The following ZFAND1 variants were observed in gnomAD, a reference collection of about 807,000 sequenced individuals.
ZFAND1 encodes the protein zinc finger AN1-type containing 1, also known as AN1-type zinc finger protein 1.
Under a neutral mutation model 38.5 loss-of-function variants are expected in ZFAND1, and 40 were observed. That is an observed-to-expected ratio of 1.04 (90% CI 0.81 to 1.35). ZFAND1 has a LOEUF of 1.35. ZFAND1 is among the 40% of genes most tolerant of loss of function. The pLI is 0.00. For missense variants in ZFAND1, 346 were observed against 316.3 expected, an observed-to-expected ratio of 1.09 and a Z score of -0.71; for synonymous variants, 117 against 103.6, an observed-to-expected ratio of 1.13 and a Z score of -0.78.
intron 3 of ZFAND1, among the ~76,000 whole-genome samples, chr8:81,716,763 C>A (rs1808326192): frequency 6.6e-6 from 1 of 152,148 alleles, no homozygotes; most frequent in African/African-American, 2.4e-5. Flanking sequence ...GCCTGGCCAA[C>A]ATGGTAAAAC....
At chr8:81,706,370 CAAAAAAAAAAAAA>C (rs35031788) in intron 6 of ZFAND1, among the ~76,000 whole-genome samples, 2 of 72,680 alleles carry the variant, frequency 2.8e-5, no homozygotes, top group South Asian at 7.0e-4. Context: ...GAAGGAGAAA[CAAAAAAAAAAAAA>C]AAAAAAAAAA....
At chr8:81,720,130 G>A (rs1290924419) in intron 1 of ZFAND1, among the ~76,000 whole-genome samples, 1 of 152,186 alleles carries the variant, frequency 6.6e-6, no homozygotes, top group Non-Finnish European at 1.5e-5. Context: ...TGATACCAAT[G>A]ACTGAAGTTC....
chr8:81,708,732 T>TCCC (rs1808052135), intron 6 of ZFAND1: 1 of 1,137,588 alleles, frequency 8.8e-7, no homozygotes, highest in Non-Finnish European at 1.1e-6. Flanking sequence ...AAGGGTACTC[T>TCCC]CATGTTTGGC....
intron 6 of ZFAND1, among the ~76,000 whole-genome samples, chr8:81,709,419 C>A (rs547859255): frequency 1.3e-5 from 2 of 152,056 alleles, no homozygotes; most frequent in Non-Finnish European, 2.9e-5. Flanking sequence ...ATTATCAGGG[C>A]TTGGTATATA....
chr8:81,702,854 C>G lies in ZFAND1; in HGVS notation c.648G>C (p.Leu216=), dbSNP rs749576979. Residue 216 remains leucine, a synonymous_variant, in exon 8 of 8, where the codon CTG becomes CTC. Transcript: ENST00000220669. ...NNKFTAKKLR[L]CHITSGEALP... ...AGGCTTCTCCTGAAGTAATGTGACA[C>G]AGCCTTAATTTCTGTGAAGGGAGAA... 1.9e-6 allele frequency: 3 copies of G among 1,590,396 alleles called. No individual in the cohort carries two copies. Among genetic ancestry groups the G allele is most frequent in the Non-Finnish European group, 2.6e-6 (3 of 1,171,426 alleles).
chr8:81,708,950 T>C (rs1808058187), intron 6 of ZFAND1: 1 of 298,234 alleles, frequency 3.4e-6, no homozygotes, highest in African/African-American at 2.3e-5. Flanking sequence ...TGATTCGAAA[T>C]GTGAATTGTA....
At chr8:81,705,586 A>G (rs6473293) in intron 6 of ZFAND1, among the ~76,000 whole-genome samples, 8,872 of 152,290 alleles carry the variant, frequency 0.058, 363 homozygotes, top group African/African-American at 0.11. Flanking sequence ...AGATGGATAT[A>G]AGGAAGTCAT....
At chr8:81,716,597 A>G (rs1236627552) in intron 3 of ZFAND1, among the ~76,000 whole-genome samples, 1 of 152,210 alleles carries the variant, frequency 6.6e-6, no homozygotes, top group Non-Finnish European at 1.5e-5. Context: ...ACAGTGAAGG[A>G]CACAGTGAAC....
At chr8:81,721,145 A>T in intron 1 of ZFAND1, 82 bp downstream of exon 1, 1 of 1,518,200 alleles carries the variant, frequency 6.6e-7, no homozygotes, top group Non-Finnish European at 8.9e-7. Context: ...GCCTCCCTTC[A>T]CCCGCCGCCA....
intron 6 of ZFAND1, among the ~76,000 whole-genome samples, chr8:81,709,436 A>AT (rs201921809): frequency 3.3e-5 from 5 of 151,640 alleles, no homozygotes; most frequent in East Asian, 1.9e-4. Flanking sequence ...TATAGAAAGT[A>AT]TTTTTTTTTA....
At position 81,721,219 on chromosome 8, in the gene ZFAND1, C is replaced by G. The variant is rs780687205; in HGVS notation, c.55+8G>C. ...GCCGGGGATGGGGGCTGGAAGCTCCCGGATCACCTCGCTGCCGGCAATGCT... is the reference window on the plus strand; with the variant it reads ...GCCGGGGATGGGGGCTGGAAGCTCCGGGATCACCTCGCTGCCGGCAATGCT... On this transcript the variant is annotated splice_region_variant and intron_variant, in intron 1 of 7. Coordinates refer to ENST00000220669, the MANE Select transcript of ZFAND1 (RefSeq NM_024699.3). The G allele has an allele frequency of 6.8e-5, 105 of 1,547,640 alleles. No homozygotes were observed. In the Admixed American group the frequency reaches 9.2e-4, roughly 14 times the overall value.
At chr8:81,704,068 T>TA (rs1344278290) in intron 6 of ZFAND1, among the ~76,000 whole-genome samples, 1 of 151,010 alleles carries the variant, frequency 6.6e-6, no homozygotes, top group Non-Finnish European at 1.5e-5. Flanking sequence ...ACTATGTATT[T>TA]AGACAGAAGG....
chr8:81,717,534 G>A lies in ZFAND1; in HGVS notation c.99-246C>T, dbSNP rs1225432536. Among the ~76,000 whole-genome samples, 10 of 152,134 alleles carry A rather than the reference G, an allele frequency of 6.6e-5. No individual in the cohort carries two copies. In the South Asian group the frequency reaches 1.7e-3, roughly 25 times the overall value. ...ATTCACCACCCTAAATTACGTTTAC[G>A]TTGCATGAAAATATAAACATATCTT... On this transcript the variant is annotated intron_variant, in intron 2 of 7. Coordinates refer to ENST00000220669, the MANE Select transcript of ZFAND1 (RefSeq NM_024699.3).
chr8:81,714,832 G>A lies in ZFAND1; in HGVS notation c.330C>T (p.Ala110=). 1 of 1,614,066 alleles carries A rather than the reference G, an allele frequency of 6.2e-7. No individual in the cohort carries two copies. Among genetic ancestry groups the A allele is most frequent in the Middle Eastern group, 1.6e-4 (1 of 6,062 alleles). Residue 110 remains alanine (A), a synonymous_variant, in exon 5 of 8, where the codon GCC becomes GCT. Coordinates refer to ENST00000220669, the MANE Select transcript of ZFAND1 (RefSeq NM_024699.3). ...TAATGTCTTTAACAAGTTTCTGAGT[G>A]GCAGCCATTCGAGGCTTTGGGATTT... is the stretch of plus-strand genomic sequence containing the variant. The part of the protein sequence containing the change: ...KLEIPKPRMA[A]TQKLVKDIID...
chr8:81,717,527 C>T (rs957777828), intron 2 of ZFAND1, among the ~76,000 whole-genome samples: 4 of 152,082 alleles, frequency 2.6e-5, no homozygotes, highest in Non-Finnish European at 5.9e-5. Flanking sequence ...CCCTAAATTA[C>T]GTTTACGTTG....
intron 3 of ZFAND1, 35 bp downstream of exon 3, chr8:81,717,214 A>C: frequency 1.3e-6 from 2 of 1,493,022 alleles, no homozygotes; most frequent in Non-Finnish European, 1.8e-6. Flanking sequence ...ATAAATACGA[A>C]TACATTTTAT....
At chr8:81,705,363 A>G (rs1442083521) in intron 6 of ZFAND1, among the ~76,000 whole-genome samples, 1 of 146,078 alleles carries the variant, frequency 6.8e-6, no homozygotes, top group Non-Finnish European at 1.5e-5. Flanking sequence ...GCTGAACTTT[A>G]AAAAGACATT....
chr8:81,719,074 C>T (rs1808394789), intron 1 of ZFAND1, among the ~76,000 whole-genome samples: 1 of 151,762 alleles, frequency 6.6e-6, no homozygotes. Flanking sequence ...TTACAGAAAC[C>T]AAATGAGATA....
rs576634843 is a variant in ZFAND1 at position 81,711,693 on chromosome 8, C to T, written c.480+2225G>A. Among the ~76,000 whole-genome samples, 8 of 152,156 alleles carry T rather than the reference C, an allele frequency of 5.3e-5. No homozygotes were observed. In the East Asian group the frequency reaches 1.5e-3, roughly 29 times the overall value. ...GGAAGAAGCAGAATGACTAAAGACACATAAAGATTCTGAAGTATAACAGAA... is the reference window on the plus strand; with the variant it reads ...GGAAGAAGCAGAATGACTAAAGACATATAAAGATTCTGAAGTATAACAGAA... On this transcript the variant is annotated intron_variant, in intron 6 of 7. Coordinates refer to ENST00000220669, the MANE Select transcript of ZFAND1 (RefSeq NM_024699.3).
Sources: gnomAD v4.1 joint callset for allele counts (sites outside exome capture counted in the v4.1 genomes callset) on GRCh38, gnomAD v4.1.1 for gene constraint, MANE v1.5 for transcripts, NCBI Gene and HGNC (gene_info 2026-07-23, HGNC 2026-07-21) for gene names.